Variants in CDC25C observed in about 807,000 individuals in gnomAD.
The protein encoded by CDC25C is M-phase inducer phosphatase 3.
A neutral mutation model predicts 52.5 loss-of-function variants in CDC25C; 48 were observed. The ratio of observed to expected loss-of-function variants is 0.91; its 90% CI spans 0.72 to 1.16. The LOEUF (loss-of-function observed/expected upper bound fraction) is 1.16, where lower values mean the gene tolerates loss of function less well. Among genes scored for constraint, CDC25C ranks in the 50% most tolerant of loss-of-function variants. CDC25C has a pLI of 0.00. For synonymous variants in CDC25C, 187 were observed against 206.5 expected (o/e 0.91, Z 0.81); for missense variants, 510 against 566.1 (o/e 0.90, Z 1.01).
chr5:138,334,501 G>A (rs1350766824), upstream of CDC25C, among the ~76,000 whole-genome samples: 2 of 151,954 alleles, frequency 1.3e-5, no homozygotes, highest in African/African-American at 2.4e-5. Flanking sequence ...ACAGGCATGC[G>A]CCACCACACC....
chr5:138,334,194 A>G (rs572682850), upstream of CDC25C, among the ~76,000 whole-genome samples: 7 of 152,130 alleles, frequency 4.6e-5, no homozygotes, highest in East Asian at 7.7e-4. Flanking sequence ...TCGGCCTCCC[A>G]AAGTGCTGGG....
chr5:138,312,491 A>G (rs911179673), intron 7 of CDC25C, among the ~76,000 whole-genome samples: 1 of 152,262 alleles, frequency 6.6e-6, no homozygotes, highest in African/African-American at 2.4e-5. Flanking sequence ...TGATATATAC[A>G]TACAATGGAA....
At chr5:138,337,831 G>T in intron 1 of CDC25C, 1 of 535,932 alleles carries the variant, frequency 1.9e-6, no homozygotes, top group Non-Finnish European at 3.0e-6. Flanking sequence ...AGGTGGTCGT[G>T]GAGGGCGGGG....
intron 6 of CDC25C, among the ~76,000 whole-genome samples, chr5:138,320,915 C>CAAAAAAAAAAAA (rs57923567): frequency 2.4e-5 from 1 of 42,228 alleles, no homozygotes; most frequent in African/African-American, 1.1e-4. Flanking sequence ...GACTCTGTCT[C>CAAAAAAAAAAAA]AAAAAAAAAA....
intron 6 of CDC25C, among the ~76,000 whole-genome samples, chr5:138,321,969 TAATCACATGA>T (rs1438051490): frequency 6.6e-6 from 1 of 151,858 alleles, no homozygotes; most frequent in Non-Finnish European, 1.5e-5. Flanking sequence ...GCATGGATAA[TAATCACATGA>T]AATCACTACT....
At chr5:138,294,183 T>A (rs182287072) in intron 7 of CDC25C, among the ~76,000 whole-genome samples, 27 of 151,390 alleles carry the variant, frequency 1.8e-4, no homozygotes, top group African/African-American at 4.4e-4. Context: ...CTGACTACCA[T>A]GCTTGGCTAA....
chr5:138,337,992 T>C, exon 1 of CDC25C: 1 of 1,289,566 alleles, frequency 7.8e-7, no homozygotes, highest in Non-Finnish European at 1.0e-6. Flanking sequence ...GGTTTCAAGA[T>C]GTGCCTCCAA....
intron 7 of CDC25C, among the ~76,000 whole-genome samples, chr5:138,294,885 G>A (rs1757056209): frequency 6.6e-6 from 1 of 151,416 alleles, no homozygotes; most frequent in Admixed American, 6.6e-5. Flanking sequence ...CTGACCTCAG[G>A]TGATCCACCA....
At chr5:138,308,369 CAATGA>C (rs1446247035) in intron 7 of CDC25C, among the ~76,000 whole-genome samples, 2 of 152,066 alleles carry the variant, frequency 1.3e-5, no homozygotes, top group Admixed American at 6.6e-5. Context: ...AAGTTTTCAA[CAATGA>C]AATAGAAAAT....
At position 138,285,784 on chromosome 5, in the gene CDC25C, A is replaced by C; in HGVS notation, c.1330T>G (p.Leu444Val). 1 of 1,614,008 alleles carries C rather than the reference A, an allele frequency of 6.2e-7. No individual in the cohort carries two copies. Among genetic ancestry groups the C allele is most frequent in the South Asian group, 1.1e-5 (1 of 91,080 alleles). ...TTGCTCTGGCTTCGACACCTCAGCAACTCAGTCTTGTGGTCCTGATGATGC... is the reference window on the plus strand; with the variant it reads ...TTGCTCTGGCTTCGACACCTCAGCACCTCAGTCTTGTGGTCCTGATGATGC... The part of the protein sequence containing the change: ...PMHHQDHKTE[L>V]LRCRSQSKVQ... The change falls in exon 14 of 14, where the codon TTG becomes GTG. Residue 444 changes from leucine (L) to valine (V), a missense_variant. By Grantham distance (32) the Leu-to-Val change is conservative. Transcript: ENST00000323760.
At chr5:138,290,294 T>C (rs1353897972) in intron 9 of CDC25C, among the ~76,000 whole-genome samples, 2 of 152,206 alleles carry the variant, frequency 1.3e-5, no homozygotes, top group Non-Finnish European at 2.9e-5. Context: ...AAAAAGAGTA[T>C]ATACTAAGCA....
exon 1 of CDC25C, chr5:138,337,973 TCCCCC>T: frequency 7.8e-7 from 1 of 1,289,444 alleles, no homozygotes; most frequent in Non-Finnish European, 1.0e-6. Context: ...CGACATGGCC[TCCCCC>T]GCGGGTTTCA....
intron 7 of CDC25C, among the ~76,000 whole-genome samples, chr5:138,316,531 G>A (rs1285113869): frequency 6.6e-6 from 1 of 152,058 alleles, no homozygotes; most frequent in Non-Finnish European, 1.5e-5. Context: ...GGACGGGGAG[G>A]GCTTAAAGGC....
At position 138,324,468 on chromosome 5, in the gene CDC25C, A is replaced by G. The variant is rs184422342; in HGVS notation, c.459+1347T>C. Among the ~76,000 whole-genome samples the G allele has an allele frequency of 3.1e-4, 47 of 152,054 alleles. No individual in the cohort carries two copies. The East Asian group carries it at 8.4e-3, about 27-fold the overall frequency. On this transcript the variant is annotated intron_variant, in intron 6 of 13. Transcript: ENST00000323760. ...GAGAGGAAAAAAAAAAACTTTAAAA[A>G]TATTGATGCTGTCGGGCATGGTGGC...
chr5:138,290,565 C>T, intron 9 of CDC25C, 74 bp downstream of exon 9: 2 of 840,224 alleles, frequency 2.4e-6, no homozygotes, highest in South Asian at 2.8e-5. Context: ...TTACACCAGG[C>T]ATTCTCGGCA....
At chr5:138,296,964 G>A (rs1392062627) in intron 7 of CDC25C, among the ~76,000 whole-genome samples, 1 of 135,428 alleles carries the variant, frequency 7.4e-6, no homozygotes, top group Non-Finnish European at 1.5e-5. Flanking sequence ...AGGGTGGAGT[G>A]CAGTGGCACG....
chr5:138,311,920 T>C (rs1168819073), intron 7 of CDC25C, among the ~76,000 whole-genome samples: 3 of 152,130 alleles, frequency 2.0e-5, no homozygotes, highest in Non-Finnish European at 4.4e-5. Flanking sequence ...CCAAAGAAGA[T>C]ATACAAATGG....
chr5:138,314,775 A>ATT (rs1297814916), intron 7 of CDC25C, among the ~76,000 whole-genome samples: 7 of 129,460 alleles, frequency 5.4e-5, no homozygotes, highest in South Asian at 5.0e-4. Context: ...CACCTGGCTA[A>ATT]TTTTTTTTTT....
intron 7 of CDC25C, among the ~76,000 whole-genome samples, chr5:138,304,767 C>G (rs897096276): frequency 2.6e-5 from 4 of 152,070 alleles, no homozygotes; most frequent in East Asian, 1.9e-4. Flanking sequence ...CTCAGCCTCT[C>G]AAATTGACAG....
Sources: allele counts gnomAD v4.1 joint callset (sites outside exome capture counted in the v4.1 genomes callset), GRCh38; gene constraint gnomAD v4.1.1; transcripts MANE v1.5; gene names NCBI Gene and HGNC (gene_info 2026-07-23, HGNC 2026-07-21).